Variants in BRSK2 observed in about 807,000 individuals in gnomAD.
The protein encoded by BRSK2 is BR serine/threonine kinase 2, also known as serine/threonine-protein kinase BRSK2.
Under a neutral mutation model 83.3 loss-of-function variants are expected in BRSK2, and 19 were observed. The ratio of observed to expected loss-of-function variants is 0.23; its 90% CI spans 0.16 to 0.33. The LOEUF is 0.33. Ranked by LOEUF, BRSK2 falls within the 10% of genes least tolerant of loss-of-function variation. The pLI, the probability that BRSK2 is intolerant of heterozygous loss-of-function variation, is 1.00. For missense variants in BRSK2, 798 were observed against 1,042.3 expected (o/e 0.77, Z 3.23); for synonymous variants, 519 against 435.4 (o/e 1.19, Z -2.39).
chr11:1,449,100 C>T (rs1259822631), intron 12 of BRSK2, among the ~76,000 whole-genome samples: 6 of 152,242 alleles, frequency 3.9e-5, no homozygotes, highest in Non-Finnish European at 8.8e-5. Flanking sequence ...GACGCACAGC[C>T]GTCCTGGTCC....
Position 1,448,453 on chromosome 11 carries a change from G to T in BRSK2, c.1227-1323G>T, listed in dbSNP as rs552693467. 2.6e-5 allele frequency among the ~76,000 whole-genome samples: 4 copies of T among 152,222 alleles called. No homozygotes were observed. The South Asian group carries it at 8.3e-4, about 32-fold the overall frequency. ...GCCTGCCCTGGCTGCCCTCAGGGCT[G>T]GCGCCGTCTCTCCTGCCCCTGCCCC... is the stretch of plus-strand genomic sequence containing the variant. On this transcript the variant is annotated intron_variant, in intron 12 of 19. Coordinates refer to ENST00000528841, the MANE Select transcript of BRSK2 (RefSeq NM_001256627.2).
intron 1 of BRSK2, among the ~76,000 whole-genome samples, chr11:1,392,690 C>A (rs773389670): frequency 6.7e-4 from 102 of 152,092 alleles, no homozygotes; most frequent in Non-Finnish European, 1.1e-3. Context: ...CGCAGCACCC[C>A]CACCGGGGCC....
chr11:1,461,047 C>T lies in BRSK2; in HGVS notation c.*324C>T. On this transcript the variant is annotated 3_prime_UTR_variant, in exon 20 of 20. Coordinates refer to ENST00000528841, the MANE Select transcript of BRSK2 (RefSeq NM_001256627.2). ...CGAAGGCAGCTGCTGCGGACCCGCC[C>T]TCCCTCCGCTCCTGCTGTTGCTGCC... The T allele has an allele frequency of 6.2e-7, 1 of 1,606,186 alleles. No homozygotes were observed. Among genetic ancestry groups the T allele is most frequent in the Non-Finnish European group, 8.5e-7 (1 of 1,176,250 alleles).
At chr11:1,411,594 C>T (rs1296456719) in intron 1 of BRSK2, 2 of 1,579,560 alleles carry the variant, frequency 1.3e-6, no homozygotes, top group African/African-American at 2.7e-5. Context: ...CCACCTTCCT[C>T]AAGGCCAGAC....
At position 1,460,775 on chromosome 11, in the gene BRSK2, C is replaced by A; in HGVS notation, c.*52C>A. ...GCACTGACAGCGGCTGCCTCGCCGC[C>A]CGCCGCCCGCCCTGCCCCGAGTGGA... On this transcript the variant is annotated 3_prime_UTR_variant, in exon 20 of 20. Transcript: ENST00000528841. 2 of 1,429,370 alleles carry A rather than the reference C, an allele frequency of 1.4e-6. No individual in the cohort carries two copies. The highest frequency in any genetic ancestry group is 1.4e-5 in the South Asian group (1 of 70,006). The allele number at this position is 1,429,370 out of a possible 1,614,324, so 88.5% of individuals were successfully genotyped here.
chr11:1,447,692 C>T, intron 12 of BRSK2: 3 of 1,039,326 alleles, frequency 2.9e-6, no homozygotes, highest in African/African-American at 1.6e-5. Flanking sequence ...GCAGCGGCCT[C>T]AGAGCCACGT....
At chr11:1,400,710 T>C (rs1182573248) in intron 1 of BRSK2, among the ~76,000 whole-genome samples, 1 of 152,126 alleles carries the variant, frequency 6.6e-6, no homozygotes, top group Non-Finnish European at 1.5e-5. Flanking sequence ...GTGTTCTCCA[T>C]TGTGGTCGGG....
chr11:1,442,428 A>C lies in BRSK2; in HGVS notation c.414-62A>C, dbSNP rs1851469686. On this transcript the variant is annotated intron_variant, in intron 4 of 19. Transcript: ENST00000528841. ...AGTGGGCTCTGGGCAGGGGGTCTCC[A>C]GGGCGGGGAGGCGCTCAAGGCAGAG... 1.7e-5 allele frequency: 23 copies of C among 1,359,404 alleles called. No homozygotes were observed. In the South Asian group the frequency reaches 1.9e-4, roughly 11 times the overall value. 84.2% of individuals were successfully genotyped at this position (1,359,404 alleles called of 1,614,324 possible).
intron 14 of BRSK2, 31 bp from the exon 15 acceptor site, chr11:1,451,340 G>A (rs370191516): frequency 3.0e-4 from 482 of 1,612,608 alleles, no homozygotes; most frequent in Middle Eastern, 8.3e-4. Context: ...CGGTCACCAC[G>A]CCTTTCCTCC....
intron 1 of BRSK2, among the ~76,000 whole-genome samples, chr11:1,392,065 G>C (rs554858570): frequency 6.6e-6 from 1 of 152,346 alleles, no homozygotes; most frequent in African/African-American, 2.4e-5. Context: ...GTTATGACGG[G>C]CAGAGCGCAA....
chr11:1,455,887 C>T (rs73411413), intron 16 of BRSK2, among the ~76,000 whole-genome samples: 32,897 of 151,908 alleles, frequency 0.22, 3,827 homozygotes, highest in Middle Eastern at 0.31. Context: ...CCATAGGTCC[C>T]GCAACCAGTG....
intron 1 of BRSK2, among the ~76,000 whole-genome samples, chr11:1,421,242 G>A (rs1263238136): frequency 6.6e-6 from 1 of 152,186 alleles, no homozygotes; most frequent in Non-Finnish European, 1.5e-5. Flanking sequence ...GACCCCTGAG[G>A]CCAGGCACGT....
In BRSK2 at chr11:1,407,079, G is replaced by A. The variant is rs114960866; in HGVS notation, c.91+16704G>A. Among the ~76,000 whole-genome samples the A allele has an allele frequency of 9.3e-3, 1,410 of 152,310 alleles. 10 individuals carry two copies. The highest frequency in any genetic ancestry group is 0.044 in the East Asian group (227 of 5,176). On this transcript the variant is annotated intron_variant, in intron 1 of 19. Transcript: ENST00000528841. Reference sequence around the variant, plus strand: ...GGAAGGGGGTCCCAACGTCACCACAGCGACTTGGTAGCCATTCCCTGGGCT... The same window carrying A: ...GGAAGGGGGTCCCAACGTCACCACAACGACTTGGTAGCCATTCCCTGGGCT...
intron 1 of BRSK2, among the ~76,000 whole-genome samples, chr11:1,424,178 C>T (rs1403678053): frequency 6.6e-6 from 1 of 152,216 alleles, no homozygotes; most frequent in Non-Finnish European, 1.5e-5. Flanking sequence ...CCTCGGCACC[C>T]CTGTGGCCTC....
At chr11:1,401,937 C>G (rs1174139339) in intron 1 of BRSK2, among the ~76,000 whole-genome samples, 1 of 152,232 alleles carries the variant, frequency 6.6e-6, no homozygotes, top group Non-Finnish European at 1.5e-5. Context: ...AGCTGTGGGT[C>G]TCTGGTTCCG....
At chr11:1,402,869 C>T (rs1180466009) in intron 1 of BRSK2, among the ~76,000 whole-genome samples, 1 of 152,172 alleles carries the variant, frequency 6.6e-6, no homozygotes. Flanking sequence ...CTGTGACTGC[C>T]TCTGAGGAGA....
intron 18 of BRSK2, among the ~76,000 whole-genome samples, chr11:1,457,775 C>T (rs1846802690): frequency 6.6e-6 from 1 of 152,150 alleles, no homozygotes; most frequent in Non-Finnish European, 1.5e-5. Context: ...ATCCTCATTC[C>T]ATCATCATGC....
intron 5 of BRSK2, 64 bp downstream of exon 5, chr11:1,442,670 G>A: frequency 7.2e-7 from 1 of 1,392,076 alleles, no homozygotes; most frequent in Admixed American, 1.8e-5. Context: ...AGAGGAGCCA[G>A]TGGACTGAGA....
chr11:1,411,365 A>G (rs752326414), intron 1 of BRSK2: 2 of 1,450,524 alleles, frequency 1.4e-6, no homozygotes, highest in Non-Finnish European at 1.8e-6. Context: ...ATCTGGCCCT[A>G]GTTTGGGGAG....
Sources: allele counts gnomAD v4.1 joint callset (sites outside exome capture counted in the v4.1 genomes callset), GRCh38; gene constraint gnomAD v4.1.1; transcripts MANE v1.5; gene names NCBI Gene and HGNC (gene_info 2026-07-23, HGNC 2026-07-21).